The following BEND7 variants were observed in gnomAD, a reference collection of about 807,000 sequenced individuals.
BEND7 encodes the protein BEN domain-containing protein 7.
In BEND7, 28 loss-of-function variants were observed where a neutral mutation model predicts 50.9. The ratio of observed to expected loss-of-function variants is 0.55; its 90% CI spans 0.41 to 0.75. The LOEUF (loss-of-function observed/expected upper bound fraction) is 0.75. Among genes scored for constraint, BEND7 ranks in the 30% least tolerant of loss-of-function variants. The pLI, the probability that BEND7 is intolerant of heterozygous loss-of-function variation, is 0.00. For missense variants in BEND7, 477 were observed against 491.3 expected (o/e 0.97, Z 0.28); for synonymous variants, 170 against 183.9 (o/e 0.92, Z 0.61).
intron 4 of BEND7, among the ~76,000 whole-genome samples, chr10:13,495,602 C>A (rs889228711): frequency 2.0e-5 from 3 of 152,130 alleles, no homozygotes. Context: ...GTAGAGGTTT[C>A]GGTGAGCCGA....
rs60474158 is a variant in BEND7, at chr10:13,527,726, T to TAAA, written c.61+744_61+746dup. 5 of 523,788 alleles carry TAAA rather than the reference T, an allele frequency of 9.5e-6. No homozygotes were observed. The African/African-American group carries it at 1.0e-4, about 11-fold the overall frequency. 32.4% of individuals were successfully genotyped at this position (523,788 alleles called of 1,614,324 possible). On this transcript the variant is annotated intron_variant, in intron 1 of 8. Coordinates refer to ENST00000466271, the MANE Select transcript of BEND7 (RefSeq NM_001369863.1). ...GATGGCTCTTGAGTTATCATTTTTTTAAAAAAAAAAGTCAAATCAGGAAGA... is the reference window on the plus strand; with the variant it reads ...GATGGCTCTTGAGTTATCATTTTTTTAAAAAAAAAAAAAGTCAAATCAGGAAGA...
chr10:13,468,008 T>A (rs1017597883), intron 6 of BEND7, among the ~76,000 whole-genome samples: 1 of 152,104 alleles, frequency 6.6e-6, no homozygotes, highest in African/African-American at 2.4e-5. Context: ...CACCCTAATA[T>A]AAACAGCATG....
intron 6 of BEND7, among the ~76,000 whole-genome samples, chr10:13,475,101 A>G (rs2075330317): frequency 6.6e-6 from 1 of 152,242 alleles, no homozygotes; most frequent in Admixed American, 6.5e-5. Flanking sequence ...CTACACACAG[A>G]GAACAGCCGA....
Position 13,528,645 on chromosome 10 carries a change from G to T in BEND7, c.-112C>A. ...TCGTGTCACCGCGGCGGAGCCGCCG[G>T]GACCAAGGTCCGCGCCTGGAGTCGG... On this transcript the variant is annotated 5_prime_UTR_variant, in exon 1 of 9. Transcript: ENST00000466271. The T allele has an allele frequency of 3.7e-6, 2 of 544,564 alleles. No individual in the cohort carries two copies. Among genetic ancestry groups the T allele is most frequent in the Non-Finnish European group, 4.6e-6 (2 of 430,186 alleles). 33.7% of individuals were successfully genotyped at this position (544,564 alleles called of 1,614,324 possible).
intron 6 of BEND7, among the ~76,000 whole-genome samples, chr10:13,469,985 C>A (rs565861269): frequency 1.3e-5 from 2 of 152,170 alleles, no homozygotes; most frequent in South Asian, 4.2e-4. Context: ...TGCTAGATAA[C>A]TGGCATCAAA....
At chr10:13,474,867 G>C (rs1402073373) in intron 6 of BEND7, among the ~76,000 whole-genome samples, 1 of 152,232 alleles carries the variant, frequency 6.6e-6, no homozygotes, top group African/African-American at 2.4e-5. Flanking sequence ...ACCTGTTATT[G>C]CTGTTGGACT....
At chr10:13,499,629 C>T in intron 3 of BEND7, 149 bp downstream of exon 3, 3 of 962,588 alleles carry the variant, frequency 3.1e-6, no homozygotes, top group South Asian at 3.1e-5. Context: ...CAACTCTTTC[C>T]TTTGTGTCTC....
chr10:13,456,468 T>C (rs1283056189), intron 6 of BEND7, among the ~76,000 whole-genome samples: 1 of 152,044 alleles, frequency 6.6e-6, no homozygotes, highest in Non-Finnish European at 1.5e-5. Flanking sequence ...GAGGAAGACG[T>C]AGGGCTGAGA....
intron 2 of BEND7, among the ~76,000 whole-genome samples, chr10:13,509,955 T>C (rs1402864074): frequency 6.6e-6 from 1 of 152,222 alleles, no homozygotes; most frequent in Non-Finnish European, 1.5e-5. Context: ...TCTTACATTG[T>C]GGAAAGCAAA....
intron 5 of BEND7, 70 bp from the exon 6 acceptor site, chr10:13,481,194 CA>C (rs1410005066): frequency 2.1e-5 from 30 of 1,403,630 alleles, no homozygotes; most frequent in Non-Finnish European, 2.9e-5. Context: ...ACATGAGCAA[CA>C]AAAAAACATC....
chr10:13,463,336 G>A lies in BEND7; in HGVS notation c.1064-10678C>T, dbSNP rs185140705. Among the ~76,000 whole-genome samples, 52 of 152,328 alleles carry A rather than the reference G, an allele frequency of 3.4e-4. 1 individual carries two copies. The highest frequency in any genetic ancestry group is 1.2e-3 in the African/African-American group (51 of 41,578). On this transcript the variant is annotated intron_variant, in intron 6 of 8. Transcript: ENST00000466271. ...AACACAGAGGCAAAGAACTGGAGAGGAGAAAGGGGAGGAGGAGTGCAGAGG... is the reference window on the plus strand; with the variant it reads ...AACACAGAGGCAAAGAACTGGAGAGAAGAAAGGGGAGGAGGAGTGCAGAGG...
intron 2 of BEND7, among the ~76,000 whole-genome samples, chr10:13,512,919 C>A (rs71479829): frequency 2.0e-5 from 3 of 152,186 alleles, no homozygotes; most frequent in Non-Finnish European, 4.4e-5. Context: ...CGTGGGAAAT[C>A]TCTGGGGCTA....
intron 2 of BEND7, among the ~76,000 whole-genome samples, chr10:13,520,519 G>C (rs2079011798): frequency 6.6e-6 from 1 of 152,112 alleles, no homozygotes; most frequent in Non-Finnish European, 1.5e-5. Flanking sequence ...CAAGGGAGCT[G>C]AAGTCTCTAA....
chr10:13,507,991 C>T (rs1229575212), intron 2 of BEND7, among the ~76,000 whole-genome samples: 1 of 152,212 alleles, frequency 6.6e-6, no homozygotes, highest in Non-Finnish European at 1.5e-5. Context: ...GGCATGGAGC[C>T]ATGCTGTGGA....
intron 5 of BEND7, among the ~76,000 whole-genome samples, chr10:13,483,440 C>T (rs767704143): frequency 7.2e-5 from 11 of 152,326 alleles, no homozygotes; most frequent in Non-Finnish European, 1.3e-4. Flanking sequence ...GAGTGTCAAA[C>T]ACCCATTGAC....
chr10:13,459,525 C>T (rs780708865), intron 6 of BEND7: 2 of 152,260 alleles, frequency 1.3e-5, no homozygotes, highest in African/African-American at 4.8e-5. Context: ...TAAAACACTA[C>T]GAGAGGGTGG....
downstream of BEND7, chr10:13,439,573 G>C (rs1017035404): frequency 7.0e-7 from 1 of 1,422,594 alleles, no homozygotes; most frequent in African/African-American, 1.4e-5. Flanking sequence ...GTCACACCCT[G>C]TGTCCTTATC....
downstream of BEND7, chr10:13,439,229 A>G: frequency 1.2e-6 from 2 of 1,614,162 alleles, no homozygotes; most frequent in East Asian, 2.2e-5. Flanking sequence ...CTGGCGTGGG[A>G]AAGTTGCGAA....
intron 2 of BEND7, among the ~76,000 whole-genome samples, chr10:13,521,443 T>G (rs1035163643): frequency 2.0e-5 from 3 of 152,208 alleles, no homozygotes; most frequent in African/African-American, 7.2e-5. Context: ...ACACTATTAC[T>G]GGCCACGTAC....
Sources: allele counts gnomAD v4.1 joint callset (sites outside exome capture counted in the v4.1 genomes callset), GRCh38; gene constraint gnomAD v4.1.1; transcripts MANE v1.5; gene names NCBI Gene and HGNC (gene_info 2026-07-23, HGNC 2026-07-21).